Variants in SCAPER observed in about 807,000 individuals in gnomAD.
SCAPER encodes the protein S-phase cyclin A associated protein in the ER, also known as S phase cyclin A-associated protein in the endoplasmic reticulum.
SCAPER carries 98 observed loss-of-function variants against 182.2 expected under a neutral mutation model. The observed-to-expected ratio is 0.54, with a 90% CI of 0.46 to 0.64. SCAPER has a LOEUF of 0.64. Ranked by LOEUF, SCAPER falls within the 30% of genes least tolerant of loss-of-function variation. The pLI is 0.00. For missense variants in SCAPER, 1,432 were observed against 1,690.0 expected (o/e 0.85, Z 2.68); for synonymous variants, 605 against 564.6 (o/e 1.07, Z -1.01).
chr15:76,555,380 T>A lies in SCAPER; in HGVS notation c.2838+18778A>T, dbSNP rs536360570. On this transcript the variant is annotated intron_variant, in intron 23 of 31. Coordinates refer to ENST00000563290, the MANE Select transcript of SCAPER (RefSeq NM_020843.4). ...GATGACAGGATCAAATCTGCCCATA[T>A]CAATACTAACCTTGAATGGAAATAG... Among the ~76,000 whole-genome samples the A allele has an allele frequency of 1.5e-3, 233 of 152,200 alleles. No homozygotes were observed. The South Asian group carries it at 0.022, about 14-fold the overall frequency.
chr15:76,624,015 C>G (rs1299216872), intron 21 of SCAPER, among the ~76,000 whole-genome samples: 2 of 152,204 alleles, frequency 1.3e-5, no homozygotes, highest in Non-Finnish European at 2.9e-5. Flanking sequence ...GATGTCCACT[C>G]TCACCACTCC....
intron 24 of SCAPER, among the ~76,000 whole-genome samples, chr15:76,504,084 C>G (rs1030647801): frequency 6.6e-6 from 1 of 151,908 alleles, no homozygotes; most frequent in African/African-American, 2.4e-5. Flanking sequence ...GACGGGGTCT[C>G]GCTACATTGC....
At chr15:76,444,867 A>T (rs1341222715) in intron 25 of SCAPER, among the ~76,000 whole-genome samples, 10 of 152,172 alleles carry the variant, frequency 6.6e-5, no homozygotes, top group Non-Finnish European at 5.9e-5. Context: ...CTTCAAATTC[A>T]TTGATTCTTT....
chr15:76,876,849 G>A (rs1595878802), intron 2 of SCAPER, among the ~76,000 whole-genome samples: 1 of 152,198 alleles, frequency 6.6e-6, no homozygotes, highest in East Asian at 1.9e-4. Flanking sequence ...AATAAGGTGA[G>A]AAAAAGAATA....
chr15:76,848,500 A>T (rs1432177184), intron 4 of SCAPER, among the ~76,000 whole-genome samples: 2 of 150,726 alleles, frequency 1.3e-5, no homozygotes, highest in African/African-American at 4.9e-5. Context: ...TACCCAGTTA[A>T]TTTTTTTGTA....
Position 76,665,802 on chromosome 15 carries a change from T to C in SCAPER, c.2509-13A>G, listed in dbSNP as rs1436490131. The stretch of plus-strand genomic sequence containing the variant: ...AGGAAAGATGCTCCTGCAAGATAAA[T>C]AAATAAAATAATAATAATGAGGATG... On this transcript the variant is annotated splice_polypyrimidine_tract_variant and intron_variant, in intron 20 of 31. Transcript: ENST00000563290. 38 of 1,485,598 alleles carry C rather than the reference T, an allele frequency of 2.6e-5. 1 individual carries two copies. The highest frequency in any genetic ancestry group is 5.0e-5 in the East Asian group (2 of 40,392). 92.0% of individuals were successfully genotyped at this position (1,485,598 alleles called of 1,614,324 possible).
intron 23 of SCAPER, among the ~76,000 whole-genome samples, chr15:76,549,749 C>A (rs202074313): frequency 9.9e-5 from 15 of 151,592 alleles, no homozygotes; most frequent in East Asian, 1.9e-4. Flanking sequence ...AGTGTAAAAA[C>A]AAAAAAAAGG....
At chr15:76,530,009 T>A (rs932154422) in intron 23 of SCAPER, among the ~76,000 whole-genome samples, 32 of 152,202 alleles carry the variant, frequency 2.1e-4, no homozygotes, top group African/African-American at 7.0e-4. Context: ...TATTATATTT[T>A]AACCACCTCT....
intron 19 of SCAPER, 112 bp downstream of exon 19, chr15:76,702,738 C>T (rs1207647293): frequency 2.4e-6 from 3 of 1,254,224 alleles, no homozygotes; most frequent in African/African-American, 1.6e-5. Flanking sequence ...TGTGAGCTGC[C>T]ACATCTCGCC....
In SCAPER at chr15:76,454,997, C is replaced by T. The variant is rs1332790224; in HGVS notation, c.3078+16215G>A. 9.2e-5 allele frequency among the ~76,000 whole-genome samples: 14 copies of T among 152,090 alleles called. No homozygotes were observed. The South Asian group carries it at 2.5e-3, about 27-fold the overall frequency. On this transcript the variant is annotated intron_variant, in intron 25 of 31. Coordinates refer to ENST00000563290, the MANE Select transcript of SCAPER (RefSeq NM_020843.4). ...AGCTTTCAAATGCACTGGTATAAAG[C>T]TGTTCAAAGTATTTTCTTAACTTTT...
intron 26 of SCAPER, among the ~76,000 whole-genome samples, chr15:76,412,488 A>G (rs1409705141): frequency 1.3e-5 from 2 of 151,950 alleles, no homozygotes; most frequent in African/African-American, 4.8e-5. Flanking sequence ...AACTTTTAAA[A>G]CTGCTCTAAA....
At chr15:76,621,983 T>C (rs1388635404) in intron 21 of SCAPER, among the ~76,000 whole-genome samples, 154 bp from the exon 22 acceptor site, 2 of 152,162 alleles carry the variant, frequency 1.3e-5, no homozygotes, top group Non-Finnish European at 2.9e-5. Flanking sequence ...TCAAGAGTTA[T>C]ACAATGAAAA....
intron 29 of SCAPER, among the ~76,000 whole-genome samples, chr15:76,371,561 G>A (rs1271877872): frequency 4.0e-5 from 6 of 150,714 alleles, no homozygotes; most frequent in Non-Finnish European, 4.4e-5. Flanking sequence ...CCTGTGATCC[G>A]CCCACCCCGG....
chr15:76,831,191 G>A (rs1482902552), intron 5 of SCAPER, among the ~76,000 whole-genome samples: 1 of 152,134 alleles, frequency 6.6e-6, no homozygotes, highest in East Asian at 1.9e-4. Flanking sequence ...CTATAGGTAG[G>A]GGTTTGGCCT....
chr15:76,556,541 G>T (rs770018997), intron 23 of SCAPER, among the ~76,000 whole-genome samples: 1 of 152,056 alleles, frequency 6.6e-6, no homozygotes, highest in African/African-American at 2.4e-5. Context: ...ATGGCAATGG[G>T]GACATTATCA....
chr15:76,693,108 G>A (rs1333260327), intron 20 of SCAPER, among the ~76,000 whole-genome samples: 2 of 152,016 alleles, frequency 1.3e-5, no homozygotes, highest in African/African-American at 4.8e-5. Context: ...CAGCATTACA[G>A]TTACAGGTAA....
At chr15:76,593,657 T>G (rs1385053904) in intron 22 of SCAPER, among the ~76,000 whole-genome samples, 2 of 120,232 alleles carry the variant, frequency 1.7e-5, no homozygotes, top group South Asian at 5.2e-4. Context: ...TTCTGCAGCA[T>G]CCACTGGTGA....
At chr15:76,865,862 C>T (rs1034109334) in intron 2 of SCAPER, among the ~76,000 whole-genome samples, 1 of 152,068 alleles carries the variant, frequency 6.6e-6, no homozygotes, top group Non-Finnish European at 1.5e-5. Context: ...CTGACCTTAC[C>T]CTGAATATCC....
rs1315627546 is a variant in SCAPER, at chr15:76,494,546, ATTTTAC to A, written c.2954+10307_2954+10312del. Among the ~76,000 whole-genome samples the A allele has an allele frequency of 2.0e-5, 3 of 152,226 alleles. No homozygotes were observed. In the East Asian group the frequency reaches 5.8e-4, roughly 29 times the overall value. The stretch of plus-strand genomic sequence containing the variant: ...AGTTTTTTTATATCAATGAAATGAT[ATTTTAC>A]TTTTATTAAAATAGTGAAAGTTTTA... On this transcript the variant is annotated intron_variant, in intron 24 of 31. Transcript: ENST00000563290.
Sources: allele counts gnomAD v4.1 joint callset (sites outside exome capture counted in the v4.1 genomes callset), GRCh38; gene constraint gnomAD v4.1.1; transcripts MANE v1.5; gene names NCBI Gene and HGNC (gene_info 2026-07-23, HGNC 2026-07-21).